Variants in LEMD3 observed in about 807,000 individuals in gnomAD.
LEMD3 encodes LEM domain containing 3.
LEMD3 carries 33 observed loss-of-function variants against 95.2 expected under a neutral mutation model. That is an observed-to-expected ratio of 0.35 (90% CI 0.26 to 0.46). The LOEUF (loss-of-function observed/expected upper bound fraction) is 0.46. Ranked by LOEUF, LEMD3 falls within the 20% of genes least tolerant of loss-of-function variation. LEMD3 has a pLI of 1.00. For missense variants in LEMD3, 1,210 were observed against 1,192.8 expected, an observed-to-expected ratio of 1.01 and a Z score of -0.21; for synonymous variants, 525 against 474.6, an observed-to-expected ratio of 1.11 and a Z score of -1.38.
chr12:65,181,217 C>G (rs1200154165), intron 1 of LEMD3, among the ~76,000 whole-genome samples: 1 of 152,090 alleles, frequency 6.6e-6, no homozygotes, highest in Non-Finnish European at 1.5e-5. Flanking sequence ...TAAGGACTTC[C>G]TTAGTTTATA....
intron 1 of LEMD3, among the ~76,000 whole-genome samples, chr12:65,198,725 G>C (rs1436483271): frequency 2.0e-5 from 3 of 152,062 alleles, no homozygotes. Context: ...ATCATCTTTA[G>C]ATTACTTATA....
chr12:65,177,051 T>C (rs921533849), intron 1 of LEMD3, among the ~76,000 whole-genome samples: 2 of 152,220 alleles, frequency 1.3e-5, no homozygotes, highest in African/African-American at 2.4e-5. Flanking sequence ...CAGGATATTA[T>C]GTGGTTACAC....
intron 1 of LEMD3, among the ~76,000 whole-genome samples, chr12:65,177,470 G>A (rs1056990569): frequency 6.6e-6 from 1 of 152,108 alleles, no homozygotes; most frequent in African/African-American, 2.4e-5. Flanking sequence ...TGTGGAAGAG[G>A]GATCTTGTTT....
intron 4 of LEMD3, among the ~76,000 whole-genome samples, chr12:65,227,851 G>A (rs1454538699): frequency 4.7e-5 from 7 of 148,888 alleles, no homozygotes; most frequent in Admixed American, 4.0e-4. Context: ...CTGGTTTAGG[G>A]TATAATAAGG....
chr12:65,240,555 A>T (rs1592463359), intron 8 of LEMD3: 1 of 414,010 alleles, frequency 2.4e-6, no homozygotes, highest in East Asian at 4.7e-5. Flanking sequence ...CTGGTGTTTT[A>T]CTAATGTTTT....
At position 65,192,711 on chromosome 12, in the gene LEMD3, C is replaced by G. The variant is rs200499693; in HGVS notation, c.1523-18215C>G. On this transcript the variant is annotated intron_variant, in intron 1 of 12. Coordinates refer to ENST00000308330, the MANE Select transcript of LEMD3 (RefSeq NM_014319.5). ...ACACAGGACATGATTACTAACAGAC[C>G]TGAATATCTTTCGTTCTGAAATAAG... Among the ~76,000 whole-genome samples the G allele has an allele frequency of 3.7e-4, 57 of 152,180 alleles. No individual in the cohort carries two copies. The East Asian group carries it at 7.0e-3, about 19-fold the overall frequency.
At chr12:65,225,474 G>A (rs1251156834) in intron 4 of LEMD3, among the ~76,000 whole-genome samples, 1 of 152,162 alleles carries the variant, frequency 6.6e-6, no homozygotes, top group Non-Finnish European at 1.5e-5. Context: ...AATTAGAGAA[G>A]TTTTGCTGGT....
intron 2 of LEMD3, among the ~76,000 whole-genome samples, chr12:65,211,546 T>C (rs569130919): frequency 1.1e-4 from 16 of 152,222 alleles, no homozygotes; most frequent in Non-Finnish European, 1.5e-4. Flanking sequence ...GATTAAGATG[T>C]TTAAGCTTGT....
intron 4 of LEMD3, among the ~76,000 whole-genome samples, chr12:65,228,159 T>C (rs562488650): frequency 2.6e-4 from 39 of 152,158 alleles, no homozygotes; most frequent in Middle Eastern, 3.4e-3. Flanking sequence ...TAGCTGTGGG[T>C]CAGCAATGGT....
intron 4 of LEMD3, among the ~76,000 whole-genome samples, chr12:65,221,592 A>C (rs1267838057): frequency 6.6e-6 from 1 of 152,032 alleles, no homozygotes; most frequent in Non-Finnish European, 1.5e-5. Flanking sequence ...GCTAAGAGAG[A>C]TAAATTTACT....
chr12:65,175,239 A>G (rs1241468481), intron 1 of LEMD3, among the ~76,000 whole-genome samples: 1 of 152,194 alleles, frequency 6.6e-6, no homozygotes, highest in Non-Finnish European at 1.5e-5. Context: ...TTTTTGTATC[A>G]TGGGTAACTT....
intron 3 of LEMD3, among the ~76,000 whole-genome samples, chr12:65,217,808 T>C (rs910647487): frequency 1.3e-5 from 2 of 152,218 alleles, no homozygotes; most frequent in African/African-American, 4.8e-5. Flanking sequence ...TGGTCTGTTA[T>C]AACAATTTTT....
intron 1 of LEMD3, among the ~76,000 whole-genome samples, chr12:65,199,611 A>C (rs973551060): frequency 5.9e-5 from 9 of 152,160 alleles, no homozygotes; most frequent in Non-Finnish European, 1.3e-4. Context: ...AAAACCAAAA[A>C]AAAATTGTTA....
chr12:65,170,172 G>A lies in LEMD3; in HGVS notation c.576G>A (p.Lys192=). 2.0e-6 allele frequency: 3 copies of A among 1,493,138 alleles called. No homozygotes were observed. Among genetic ancestry groups the A allele is most frequent in the Non-Finnish European group, 2.7e-6 (3 of 1,125,520 alleles). The allele number at this position is 1,493,138 out of a possible 1,614,324, so 92.5% of individuals were successfully genotyped here. A position where few individuals can be genotyped will look rare whatever the true frequency, so the allele number is the denominator to read the frequency against. The change falls in exon 1 of 13, where the codon AAG becomes AAA. Residue 192 remains lysine, a synonymous_variant. Coordinates refer to ENST00000308330, the MANE Select transcript of LEMD3 (RefSeq NM_014319.5). Reference sequence around the variant, plus strand: ...ACAGCAACTCTGCAGAGCGAAGGAAGCCCCACTCGTGGTGGGGGGCCAGGA... The same window carrying A: ...ACAGCAACTCTGCAGAGCGAAGGAAACCCCACTCGTGGTGGGGGGCCAGGA... The part of the protein sequence containing the change: ...VTNSNSAERR[K]PHSWWGARRP...
At chr12:65,178,020 A>AT (rs1470226232) in intron 1 of LEMD3, among the ~76,000 whole-genome samples, 2 of 151,700 alleles carry the variant, frequency 1.3e-5, no homozygotes, top group African/African-American at 2.4e-5. Flanking sequence ...AATTTTTTGT[A>AT]TTTTTTGTTG....
chr12:65,246,348 G>T lies in LEMD3; in HGVS notation c.*23G>T. 1 of 1,588,156 alleles carries T rather than the reference G, an allele frequency of 6.3e-7. No homozygotes were observed. Among genetic ancestry groups the T allele is most frequent in the Non-Finnish European group, 8.6e-7 (1 of 1,157,778 alleles). Reference sequence around the variant, plus strand: ...TGAAAAGATTTTCTTCCATTTCTAAGACTGTTATTTACAATAGGAAAATTC... The same window carrying T: ...TGAAAAGATTTTCTTCCATTTCTAATACTGTTATTTACAATAGGAAAATTC... On this transcript the variant is annotated 3_prime_UTR_variant, in exon 13 of 13. Transcript: ENST00000308330.
At chr12:65,244,923 C>T (rs906843064) in intron 10 of LEMD3, among the ~76,000 whole-genome samples, 2 of 152,022 alleles carry the variant, frequency 1.3e-5, no homozygotes, top group Admixed American at 1.3e-4. Context: ...TGCACTCCAG[C>T]CTGGGTGACA....
At chr12:65,180,908 GTAGCAAATGGATATTT>G (rs1310358869) in intron 1 of LEMD3, among the ~76,000 whole-genome samples, 2 of 152,062 alleles carry the variant, frequency 1.3e-5, no homozygotes, top group African/African-American at 2.4e-5. Context: ...AAACCCTTTA[GTAGCAAATGGATATTT>G]TAGCACATAG....
chr12:65,224,206 T>C (rs796913235), intron 4 of LEMD3, among the ~76,000 whole-genome samples: 3 of 152,348 alleles, frequency 2.0e-5, no homozygotes, highest in African/African-American at 7.2e-5. Context: ...GCAAGCTTTA[T>C]ATTTTCATAT....
Sources: gnomAD v4.1 joint callset for allele counts (sites outside exome capture counted in the v4.1 genomes callset) on GRCh38, gnomAD v4.1.1 for gene constraint, MANE v1.5 for transcripts, NCBI Gene and HGNC (gene_info 2026-07-23, HGNC 2026-07-21) for gene names.